OPHN1: variants seen among roughly 807,000 people sequenced by gnomAD.
The protein encoded by OPHN1 is oligophrenin 1, also known as oligophrenin-1.
OPHN1 carries 11 observed loss-of-function variants against 60.7 expected under a neutral mutation model. The observed-to-expected ratio is 0.18, with a 90% confidence interval of 0.11 to 0.30. The LOEUF (loss-of-function observed/expected upper bound fraction) is 0.30, where lower values mean the gene tolerates loss of function less well. Ranked by LOEUF, OPHN1 falls within the 10% of genes least tolerant of loss-of-function variation. The pLI is 1.00. For missense variants in OPHN1, 449 were observed against 611.0 expected (o/e 0.73, Z 2.80); for synonymous variants, 226 against 222.6 (o/e 1.02, Z -0.14).
chrX:68,198,302 TG>T (rs756110216), intron 11 of OPHN1, among the ~76,000 whole-genome samples: 2 of 111,279 alleles, frequency 1.8e-5, no homozygotes, highest in Non-Finnish European at 3.8e-5. Context: ...GAGGACACGG[TG>T]TTGGTGCTCT....
chrX:68,305,827 G>A (rs1221169580), intron 2 of OPHN1, among the ~76,000 whole-genome samples: 1 of 111,582 alleles, frequency 9.0e-6, no homozygotes, highest in Non-Finnish European at 1.9e-5. Context: ...ACCACCCTGG[G>A]GAAGGGAAAA....
intron 18 of OPHN1, among the ~76,000 whole-genome samples, chrX:68,100,872 G>A (rs113173145): frequency 0.053 from 5,852 of 109,845 alleles, 405 homozygotes; most frequent in African/African-American, 0.19. Flanking sequence ...TCAGCCTCCC[G>A]AGTAGCTGGG....
intron 2 of OPHN1, among the ~76,000 whole-genome samples, chrX:68,355,573 C>T (rs1255194413): frequency 8.9e-6 from 1 of 112,427 alleles, no homozygotes; most frequent in Non-Finnish European, 1.9e-5. Context: ...GGCTACCGTG[C>T]AAGATCCATA....
rs767999584 is a variant in OPHN1 at position 68,209,887 on chromosome X, G to A, written c.832+266C>T. ...CTTTTTTCCAAAAGAATAATCAGAA[G>A]GATTAAAGAACAAATAATACCCATT... is the stretch of plus-strand genomic sequence containing the variant. On this transcript the variant is annotated intron_variant, in intron 9 of 24. Transcript: ENST00000355520. Among the ~76,000 whole-genome samples the A allele has an allele frequency of 2.9e-4, 32 of 111,060 alleles. 1 individual carries two copies. The South Asian group carries it at 0.012, about 43-fold the overall frequency.
intron 15 of OPHN1, among the ~76,000 whole-genome samples, chrX:68,148,283 A>C (rs753811581): frequency 1.1e-3 from 127 of 111,656 alleles, no homozygotes; most frequent in African/African-American, 3.8e-3. Flanking sequence ...CTTGTATACT[A>C]TCCCAAAGCT....
chrX:68,077,792 TTTAAG>T (rs1241828784), intron 19 of OPHN1, among the ~76,000 whole-genome samples: 2 of 112,238 alleles, frequency 1.8e-5, no homozygotes, highest in African/African-American at 6.5e-5. Flanking sequence ...TGTGCTGAAT[TTTAAG>T]TTTAGTTTGA....
chrX:68,099,966 C>T (rs1191116197), intron 18 of OPHN1, among the ~76,000 whole-genome samples: 1 of 111,253 alleles, frequency 9.0e-6, no homozygotes, highest in African/African-American at 3.3e-5. Flanking sequence ...GAACTGTGTG[C>T]CCTCTGACTC....
intron 2 of OPHN1, among the ~76,000 whole-genome samples, chrX:68,323,454 T>C (rs1044845591): frequency 1.8e-5 from 2 of 111,950 alleles, no homozygotes; most frequent in Non-Finnish European, 3.8e-5. Context: ...ACACACTATG[T>C]ATCCTAATTT....
chrX:68,053,637 C>T lies in OPHN1; in HGVS notation c.2324+8G>A. The T allele has an allele frequency of 8.3e-7, 1 of 1,210,589 alleles. No homozygotes were observed. The highest frequency in any genetic ancestry group is 1.1e-6 in the Non-Finnish European group (1 of 894,750). The stretch of plus-strand genomic sequence containing the variant: ...CTTCAGTCAACTTTGAGGTACAACC[C>T]TACTTACACAGATGATGTGATTTCC... On this transcript the variant is annotated splice_region_variant and intron_variant, in intron 22 of 24. Transcript: ENST00000355520.
At chrX:68,267,593 A>T in intron 5 of OPHN1, among the ~76,000 whole-genome samples, 1 of 112,420 alleles carries the variant, frequency 8.9e-6, no homozygotes, top group East Asian at 2.8e-4. Context: ...TCTAAAATTG[A>T]TACCTTAACA....
chrX:68,242,873 TC>T (rs2077788152), intron 5 of OPHN1, among the ~76,000 whole-genome samples: 1 of 107,628 alleles, frequency 9.3e-6, no homozygotes, highest in African/African-American at 3.7e-5. Flanking sequence ...ATAAGAAAAT[TC>T]TTTTTTTTTT....
At chrX:68,121,791 G>A (rs2077151669) in intron 15 of OPHN1, among the ~76,000 whole-genome samples, 1 of 106,125 alleles carries the variant, frequency 9.4e-6, no homozygotes, top group Non-Finnish European at 1.9e-5. Context: ...AAAAGAGGGG[G>A]CAAGAGTAAA....
chrX:68,215,053 A>G (rs2077602176), intron 6 of OPHN1, among the ~76,000 whole-genome samples: 2 of 111,601 alleles, frequency 1.8e-5, no homozygotes, highest in African/African-American at 6.5e-5. Context: ...AATTAATATG[A>G]TAAGGGCTCT....
At chrX:68,359,855 C>CAAAAA (rs1186524030) in intron 2 of OPHN1, among the ~76,000 whole-genome samples, 2 of 19,221 alleles carry the variant, frequency 1.0e-4, no homozygotes, top group Admixed American at 6.6e-4. Context: ...GACTCCGTCT[C>CAAAAA]AAAAAAAAAA....
intron 2 of OPHN1, among the ~76,000 whole-genome samples, chrX:68,385,545 G>A (rs2078620289): frequency 8.9e-6 from 1 of 112,178 alleles, no homozygotes; most frequent in African/African-American, 3.2e-5. Flanking sequence ...AGTCAGTCAT[G>A]TTTTGTTTGG....
chrX:68,111,402 A>T (rs1428154660), intron 18 of OPHN1, among the ~76,000 whole-genome samples: 2 of 112,283 alleles, frequency 1.8e-5, no homozygotes, highest in Non-Finnish European at 3.8e-5. Flanking sequence ...CCATGGCAAG[A>T]AGTTGACCAG....
intron 2 of OPHN1, among the ~76,000 whole-genome samples, chrX:68,393,938 C>T (rs1274378370): frequency 2.5e-5 from 2 of 78,773 alleles, no homozygotes; most frequent in Non-Finnish European, 4.7e-5. Flanking sequence ...CTCTGTTGCC[C>T]AGGCTGGAGT....
chrX:68,399,111 A>C (rs958795486), intron 2 of OPHN1, among the ~76,000 whole-genome samples: 2 of 109,777 alleles, frequency 1.8e-5, no homozygotes, highest in African/African-American at 6.6e-5. Flanking sequence ...TGATATCTCC[A>C]TCTCCCCAAC....
At chrX:68,365,905 C>G (rs2078496074) in intron 2 of OPHN1, among the ~76,000 whole-genome samples, 1 of 104,482 alleles carries the variant, frequency 9.6e-6, no homozygotes, top group South Asian at 4.5e-4. Flanking sequence ...AGAGTGACAT[C>G]TGATTTTTAA....
Sources: gnomAD v4.1 joint callset for allele counts (sites outside exome capture counted in the v4.1 genomes callset) on GRCh38, gnomAD v4.1.1 for gene constraint, MANE v1.5 for transcripts, NCBI Gene and HGNC (gene_info 2026-07-23, HGNC 2026-07-21) for gene names.